The following CHST9 variants were observed in gnomAD, a reference collection of about 807,000 sequenced individuals.
The protein encoded by CHST9 is GalNAc-4-sulfotransferase 2.
CHST9 carries 41 observed loss-of-function variants against 44.4 expected under a neutral mutation model. That is an observed-to-expected ratio of 0.92 (90% CI 0.72 to 1.20). The LOEUF is 1.20. CHST9 is among the 50% of genes most tolerant of loss of function. The pLI, the probability that CHST9 is intolerant of heterozygous loss-of-function variation, is 0.00. For synonymous variants in CHST9, 171 were observed against 178.4 expected, an observed-to-expected ratio of 0.96 and a Z score of 0.33; for missense variants, 504 against 516.5, an observed-to-expected ratio of 0.98 and a Z score of 0.23.
intron 1 of CHST9, among the ~76,000 whole-genome samples, chr18:27,168,721 G>A (rs1056607133): frequency 6.6e-6 from 1 of 152,062 alleles, no homozygotes; most frequent in African/African-American, 2.4e-5. Context: ...AACCTCAATA[G>A]TCCTCTATAA....
chr18:27,010,003 T>C (rs2145243232), intron 4 of CHST9, among the ~76,000 whole-genome samples: 1 of 152,350 alleles, frequency 6.6e-6, no homozygotes, highest in East Asian at 1.9e-4. Flanking sequence ...TTGTTTTCAC[T>C]TATATCTAAC....
chr18:27,138,157 G>A (rs754853476), intron 2 of CHST9, among the ~76,000 whole-genome samples: 2 of 152,146 alleles, frequency 1.3e-5, no homozygotes, highest in Non-Finnish European at 2.9e-5. Flanking sequence ...TCCTCCTTTT[G>A]TCCCAATGGC....
At chr18:27,105,859 A>C (rs2058216590) in intron 2 of CHST9, among the ~76,000 whole-genome samples, 1 of 152,140 alleles carries the variant, frequency 6.6e-6, no homozygotes, top group Non-Finnish European at 1.5e-5. Flanking sequence ...TGGACGATAA[A>C]GTTAGAATGA....
intron 1 of CHST9, among the ~76,000 whole-genome samples, chr18:27,158,143 A>G (rs1025010713): frequency 1.3e-5 from 2 of 152,066 alleles, no homozygotes; most frequent in Admixed American, 6.6e-5. Flanking sequence ...TAGGGTACAT[A>G]TGCACAACGT....
intron 2 of CHST9, among the ~76,000 whole-genome samples, chr18:27,092,752 A>G (rs1156987449): frequency 6.6e-6 from 1 of 152,142 alleles, no homozygotes; most frequent in Non-Finnish European, 1.5e-5. Context: ...GTAGTTGAGC[A>G]GTTTTGAGTG....
intron 4 of CHST9, among the ~76,000 whole-genome samples, chr18:26,946,164 T>C (rs1486295663): frequency 6.6e-6 from 1 of 152,202 alleles, no homozygotes; most frequent in African/African-American, 2.4e-5. Flanking sequence ...TCAGTTTATA[T>C]GCGGAGTGTT....
chr18:27,049,240 G>A (rs918796478), intron 2 of CHST9, among the ~76,000 whole-genome samples: 1 of 152,062 alleles, frequency 6.6e-6, no homozygotes, highest in East Asian at 1.9e-4. Flanking sequence ...GGGGGAGGCC[G>A]AAATAATAGG....
intron 2 of CHST9, among the ~76,000 whole-genome samples, chr18:27,136,483 T>C (rs1261215788): frequency 6.6e-6 from 1 of 152,206 alleles, no homozygotes; most frequent in Admixed American, 6.5e-5. Flanking sequence ...GCTCACCATC[T>C]CTGCACACTG....
At chr18:27,119,640 T>G (rs1338938680) in intron 2 of CHST9, among the ~76,000 whole-genome samples, 1 of 142,456 alleles carries the variant, frequency 7.0e-6, no homozygotes, top group Non-Finnish European at 1.5e-5. Context: ...ACTTATCAGT[T>G]TTTTTGTTTT....
intron 2 of CHST9, among the ~76,000 whole-genome samples, chr18:27,053,077 TTAAAG>T (rs1030661747): frequency 7.5e-6 from 1 of 133,274 alleles, no homozygotes; most frequent in African/African-American, 2.9e-5. Flanking sequence ...ATCCCAGAAC[TTAAAG>T]TAAAGAAGAA....
chr18:27,140,380 AGCTATTAAT>A (rs1437433702), intron 2 of CHST9, among the ~76,000 whole-genome samples: 2 of 152,262 alleles, frequency 1.3e-5, no homozygotes, highest in Non-Finnish European at 2.9e-5. Context: ...CATAAATGGT[AGCTATTAAT>A]GCTTATGGAC....
intron 1 of CHST9, among the ~76,000 whole-genome samples, chr18:27,180,600 ACTAAT>A (rs2058904256): frequency 6.6e-6 from 1 of 152,082 alleles, no homozygotes; most frequent in South Asian, 2.1e-4. Context: ...CCCCTACCTA[ACTAAT>A]CTAACTTTCT....
At chr18:27,076,925 A>G (rs1042791549) in intron 2 of CHST9, among the ~76,000 whole-genome samples, 4 of 152,228 alleles carry the variant, frequency 2.6e-5, no homozygotes, top group African/African-American at 9.6e-5. Flanking sequence ...AGCTCTTTAG[A>G]GAGGTGATCT....
chr18:27,157,080 A>T (rs1248954710), intron 1 of CHST9, among the ~76,000 whole-genome samples: 1 of 152,102 alleles, frequency 6.6e-6, no homozygotes, highest in Non-Finnish European at 1.5e-5. Flanking sequence ...TCATCACATA[A>T]CAATAAAATC....
At chr18:26,982,939 A>T (rs1182792160) in intron 4 of CHST9, among the ~76,000 whole-genome samples, 1 of 152,162 alleles carries the variant, frequency 6.6e-6, no homozygotes, top group Non-Finnish European at 1.5e-5. Context: ...ATTGACAAGC[A>T]GATAGACAAT....
At chr18:27,141,448 G>A (rs1314995902) in intron 2 of CHST9, among the ~76,000 whole-genome samples, 5 of 151,736 alleles carry the variant, frequency 3.3e-5, no homozygotes, top group African/African-American at 9.7e-5. Flanking sequence ...AAAATTAGCC[G>A]GGTGCAGTGG....
chr18:26,952,610 G>A (rs1347396520), intron 4 of CHST9: 12 of 304,776 alleles, frequency 3.9e-5, no homozygotes, highest in Non-Finnish European at 7.6e-5. Flanking sequence ...TTGGATGTAG[G>A]CTTCTCTGGG....
At chr18:27,049,246 A>T (rs930129127) in intron 2 of CHST9, among the ~76,000 whole-genome samples, 1 of 152,040 alleles carries the variant, frequency 6.6e-6, no homozygotes, top group Non-Finnish European at 1.5e-5. Flanking sequence ...GGCCGAAATA[A>T]TAGGGCCCAG....
At chr18:27,057,059 A>G (rs2057664727) in intron 2 of CHST9, among the ~76,000 whole-genome samples, 1 of 152,226 alleles carries the variant, frequency 6.6e-6, no homozygotes, top group African/African-American at 2.4e-5. Context: ...TGGACTGCCA[A>G]TAGTCTAATG....
Sources: gnomAD v4.1 joint callset for allele counts (sites outside exome capture counted in the v4.1 genomes callset) on GRCh38, gnomAD v4.1.1 for gene constraint, MANE v1.5 for transcripts, NCBI Gene and HGNC (gene_info 2026-07-23, HGNC 2026-07-21) for gene names.